Variants in PRDM16 observed in about 807,000 individuals in gnomAD.
PRDM16 encodes PR/SET domain 16.
A neutral mutation model predicts 110.6 loss-of-function variants in PRDM16; 23 were observed. That is an observed-to-expected ratio of 0.21 (90% CI 0.15 to 0.29). The LOEUF (loss-of-function observed/expected upper bound fraction) is 0.29. PRDM16 is among the 10% of genes least tolerant of loss of function. The pLI is 1.00. For synonymous variants in PRDM16, 799 were observed against 781.8 expected, an observed-to-expected ratio of 1.02 and a Z score of -0.37; for missense variants, 1,615 against 1,794.3, an observed-to-expected ratio of 0.90 and a Z score of 1.81.
At chr1:3,111,651 C>T (rs1232568248) in intron 1 of PRDM16, among the ~76,000 whole-genome samples, 2 of 152,012 alleles carry the variant, frequency 1.3e-5, no homozygotes, top group Non-Finnish European at 2.9e-5. Flanking sequence ...GGGCGCACGC[C>T]CCCTGGGGCG....
chr1:3,129,086 G>A (rs534398444), intron 1 of PRDM16, among the ~76,000 whole-genome samples: 31 of 152,196 alleles, frequency 2.0e-4, no homozygotes, highest in African/African-American at 6.3e-4. Flanking sequence ...ATGTGTGTGC[G>A]TTTCCTGGCT....
At chr1:3,296,239 C>T (rs1641086848) in intron 3 of PRDM16, among the ~76,000 whole-genome samples, 1 of 152,196 alleles carries the variant, frequency 6.6e-6, no homozygotes, top group African/African-American at 2.4e-5. Context: ...CCAGTGCCCT[C>T]TGGAGCTGCC....
intron 2 of PRDM16, among the ~76,000 whole-genome samples, chr1:3,233,873 G>A (rs777500784): frequency 6.7e-5 from 10 of 149,980 alleles, no homozygotes; most frequent in Non-Finnish European, 1.0e-4. Context: ...ATACCGCAAT[G>A]AAGTGTTGGG....
rs975803105 is a variant in PRDM16, at chr1:3,190,416, G to A, written c.387+3942G>A. 6.6e-6 allele frequency among the ~76,000 whole-genome samples: 1 copy of A among 152,180 alleles called. No individual in the cohort carries two copies. The highest frequency in any genetic ancestry group is 6.5e-5 in the Admixed American group (1 of 15,282). On this transcript the variant is annotated intron_variant, in intron 2 of 16. Transcript: ENST00000270722. The surrounding 1 kb of genome is among the most constrained non-coding windows in gnomAD (Gnocchi z 5.0). ...GCATTCCTTCTACGCTGAGGCTGAC[G>A]CTTTTGGGAGGGCCGCCCCCTCCTC...
intron 3 of PRDM16, among the ~76,000 whole-genome samples, chr1:3,349,516 G>A (rs1211943574): frequency 1.3e-5 from 2 of 152,134 alleles, no homozygotes; most frequent in Admixed American, 6.5e-5. Flanking sequence ...GCTTGGCTCC[G>A]AGCTTATTTC....
chr1:3,181,858 ACG>A (rs1260372943), intron 1 of PRDM16, among the ~76,000 whole-genome samples: 19 of 101,764 alleles, frequency 1.9e-4, no homozygotes, highest in African/African-American at 2.3e-4. Context: ...GGTCTTACAC[ACG>A]CAGTCTTACA....
At chr1:3,413,707 A>G (rs79938268) in intron 9 of PRDM16, among the ~76,000 whole-genome samples, 3,009 of 152,300 alleles carry the variant, frequency 0.02, 39 homozygotes, top group South Asian at 0.066. Flanking sequence ...GCTCTCAGTG[A>G]TGGGAAAGAG....
chr1:3,375,691 C>G (rs1030454959), intron 3 of PRDM16, among the ~76,000 whole-genome samples: 5 of 152,230 alleles, frequency 3.3e-5, no homozygotes, highest in African/African-American at 1.2e-4. Context: ...CTGTCCTCCA[C>G]TGGTGTGAGA....
chr1:3,095,685 T>C (rs1642380357), intron 1 of PRDM16, among the ~76,000 whole-genome samples: 2 of 152,040 alleles, frequency 1.3e-5, no homozygotes, highest in South Asian at 4.1e-4. Context: ...CCTCACAGTG[T>C]GTGCCGTGGG....
At chr1:3,137,428 G>T (rs1409265685) in intron 1 of PRDM16, among the ~76,000 whole-genome samples, 1 of 152,206 alleles carries the variant, frequency 6.6e-6, no homozygotes, top group East Asian at 1.9e-4. Flanking sequence ...GGCTGCCAGG[G>T]GACACGATGT....
chr1:3,078,885 G>A (rs7515436), intron 1 of PRDM16, among the ~76,000 whole-genome samples: 76,176 of 152,220 alleles, frequency 0.5, 19,578 homozygotes, highest in East Asian at 0.85. Flanking sequence ...CAGGGAAAGG[G>A]GAACGCATTG....
rs1642013403 is a variant in PRDM16, at chr1:3,081,026, G to C, written c.37+11730G>C. ...AGGCCTAAAAAAAAGCAGAGAGTAA[G>C]GGAGCTCAGAGAATCGGGGGGCAGA... On this transcript the variant is annotated intron_variant, in intron 1 of 16. Transcript: ENST00000270722. The surrounding 1 kb of genome is among the most constrained non-coding windows in gnomAD (Gnocchi z 4.6). Among the ~76,000 whole-genome samples the C allele has an allele frequency of 6.6e-6, 1 of 152,104 alleles. No homozygotes were observed. The highest frequency in any genetic ancestry group is 2.1e-4 in the South Asian group (1 of 4,818).
intron 3 of PRDM16, among the ~76,000 whole-genome samples, chr1:3,274,381 T>C (rs546895284): frequency 6.6e-6 from 1 of 152,290 alleles, no homozygotes; most frequent in South Asian, 2.1e-4. Flanking sequence ...CCAGATTTCA[T>C]AAAGTAACAT....
chr1:3,340,454 G>A (rs967386423), intron 3 of PRDM16, among the ~76,000 whole-genome samples: 3 of 152,226 alleles, frequency 2.0e-5, no homozygotes, highest in Admixed American at 6.5e-5. Flanking sequence ...GAGAGCCAGC[G>A]CCATGGATCA....
At position 3,425,389 on chromosome 1, in the gene PRDM16, T is replaced by G; in HGVS notation, c.2940-192T>G. 1.7e-6 allele frequency: 1 copy of G among 572,218 alleles called. No individual in the cohort carries two copies. The highest frequency in any genetic ancestry group is 3.1e-6 in the Non-Finnish European group (1 of 327,860). 35.4% of individuals were successfully genotyped at this position (572,218 alleles called of 1,614,324 possible). A position where few individuals can be genotyped will look rare whatever the true frequency, so the allele number is the denominator to read the frequency against. ...CCCTGCTTCTTGAAGCCGGGGCTGT[T>G]TCTAGGGACAGCTTCCCCAGGATGC... On this transcript the variant is annotated intron_variant, in intron 12 of 16. Transcript: ENST00000270722. The surrounding 1 kb of genome is among the most constrained non-coding windows in gnomAD (Gnocchi z 6.9).
intron 14 of PRDM16, among the ~76,000 whole-genome samples, chr1:3,428,282 C>A (rs905844393): frequency 6.6e-6 from 1 of 150,420 alleles, no homozygotes. Context: ...CTGCAGGAGA[C>A]CCACCAGGAC....
chr1:3,242,743 C>T (rs752720805), intron 2 of PRDM16, among the ~76,000 whole-genome samples: 4 of 152,250 alleles, frequency 2.6e-5, no homozygotes, highest in African/African-American at 4.8e-5. Context: ...TGCTGTGCTC[C>T]GTCCTTAGGA....
intron 2 of PRDM16, among the ~76,000 whole-genome samples, chr1:3,233,906 G>A (rs1224703061): frequency 6.6e-6 from 1 of 151,760 alleles, no homozygotes; most frequent in Non-Finnish European, 1.5e-5. Flanking sequence ...AAAAAAAAAG[G>A]TGGGGGGAAA....
intron 3 of PRDM16, among the ~76,000 whole-genome samples, chr1:3,376,017 G>A (rs1448058845): frequency 2.0e-5 from 3 of 152,092 alleles, no homozygotes; most frequent in South Asian, 2.1e-4. Flanking sequence ...AGAGCTCCAC[G>A]GCATCTGGGG....
Sources: allele counts gnomAD v4.1 joint callset (sites outside exome capture counted in the v4.1 genomes callset), GRCh38; gene constraint gnomAD v4.1.1; non-coding constraint Gnocchi (gnomAD v3.1); transcripts MANE v1.5; gene names NCBI Gene and HGNC (gene_info 2026-07-23, HGNC 2026-07-21).